RNF111: variants seen among roughly 807,000 people sequenced by gnomAD.
RNF111 encodes the protein E3 ubiquitin-protein ligase Arkadia.
RNF111 carries 17 observed loss-of-function variants against 95.1 expected under a neutral mutation model. The ratio of observed to expected loss-of-function variants is 0.18; its 90% CI spans 0.12 to 0.27. The LOEUF (loss-of-function observed/expected upper bound fraction) is 0.27. RNF111 is among the 10% of genes least tolerant of loss of function. The probability of loss-of-function intolerance (pLI) is 1.00; values close to 1 mark genes in which losing one functional copy is unlikely to be tolerated. For synonymous variants in RNF111, 440 were observed against 414.8 expected, an observed-to-expected ratio of 1.06 and a Z score of -0.74; for missense variants, 1,189 against 1,210.4, an observed-to-expected ratio of 0.98 and a Z score of 0.26.
intron 1 of RNF111, among the ~76,000 whole-genome samples, chr15:59,008,321 G>A (rs912980419): frequency 6.6e-6 from 1 of 151,862 alleles, no homozygotes; most frequent in African/African-American, 2.4e-5. Context: ...GAGCTCAAGC[G>A]ATCCTCCTGC....
intron 1 of RNF111, among the ~76,000 whole-genome samples, chr15:59,019,105 ATTT>A (rs35154303): frequency 4.1e-5 from 5 of 121,278 alleles, no homozygotes; most frequent in Admixed American, 8.1e-5. Flanking sequence ...GTATTTTTGT[ATTT>A]TTTTTTTTTT....
Position 59,031,376 on chromosome 15 carries a change from C to A in RNF111, c.554C>A (p.Pro185His), listed in dbSNP as rs2040897413. Reference sequence around the variant, plus strand: ...CATAGTGCACGGTCTCATAAGTGGCCTCGGACTGAGACAGAATCTGTATCG... The same window carrying A: ...CATAGTGCACGGTCTCATAAGTGGCATCGGACTGAGACAGAATCTGTATCG... The part of the protein sequence containing the change: ...RSHSARSHKW[P>H]RTETESVSGL... Residue 185 changes from proline to histidine, a missense_variant, in exon 2 of 14, where the codon CCT becomes CAT. Pro to His is a moderately conservative substitution (Grantham distance 77). Coordinates refer to ENST00000348370, the MANE Select transcript of RNF111 (RefSeq NM_017610.8). 1 of 1,614,112 alleles carries A rather than the reference C, an allele frequency of 6.2e-7. No homozygotes were observed.
At chr15:59,027,482 G>A (rs1273881935) in intron 1 of RNF111, among the ~76,000 whole-genome samples, 1 of 151,358 alleles carries the variant, frequency 6.6e-6, no homozygotes, top group African/African-American at 2.4e-5. Context: ...ACAATCAGTT[G>A]TAGAACATTT....
At chr15:59,071,990 A>G (rs1432161386) in intron 6 of RNF111, among the ~76,000 whole-genome samples, 1 of 152,242 alleles carries the variant, frequency 6.6e-6, no homozygotes, top group Non-Finnish European at 1.5e-5. Flanking sequence ...AAAAATGTAC[A>G]TGCTTCAATT....
chr15:59,007,145 C>G (rs1760237184), intron 1 of RNF111, among the ~76,000 whole-genome samples: 1 of 152,180 alleles, frequency 6.6e-6, no homozygotes, highest in Non-Finnish European at 1.5e-5. Context: ...TTGCCAAATG[C>G]ATCTATTTAT....
rs770094402 is a variant in RNF111, at chr15:59,081,264, G to A, written c.2277G>A (p.Arg759=). ...TGCAGAGGATGGAAGTTCAAAGGAG[G>A]AGGATGATGCAGCATCCAACGTATG... ...EVMQRMEVQR[R]RMMQHPTRAH... The change falls in exon 8 of 14, where the codon AGG becomes AGA. Residue 759 remains arginine, a synonymous_variant. Coordinates refer to ENST00000348370, the MANE Select transcript of RNF111 (RefSeq NM_017610.8). 1.2e-6 allele frequency: 2 copies of A among 1,613,954 alleles called. No individual in the cohort carries two copies. The highest frequency in any genetic ancestry group is 4.5e-5 in the East Asian group (2 of 44,880).
At chr15:59,024,803 T>G (rs1296257246) in intron 1 of RNF111, among the ~76,000 whole-genome samples, 3 of 152,198 alleles carry the variant, frequency 2.0e-5, no homozygotes, top group Admixed American at 6.5e-5. Context: ...CGACTGAAAC[T>G]CAGTAACTGT....
intron 6 of RNF111, among the ~76,000 whole-genome samples, chr15:59,071,188 C>T (rs1223880303): frequency 6.6e-6 from 1 of 151,076 alleles, no homozygotes; most frequent in Admixed American, 6.6e-5. Context: ...GTCCCAGCTA[C>T]TCGGGAGGCT....
chr15:59,042,166 C>T (rs1407594812), intron 2 of RNF111, among the ~76,000 whole-genome samples: 3 of 151,830 alleles, frequency 2.0e-5, no homozygotes, highest in Non-Finnish European at 2.9e-5. Context: ...ACTCTGTCAC[C>T]CAGGATGGAG....
chr15:59,064,535 C>CACAA (rs2042574688), intron 5 of RNF111, among the ~76,000 whole-genome samples: 1 of 76,740 alleles, frequency 1.3e-5, no homozygotes, highest in African/African-American at 4.4e-5. Flanking sequence ...GACTTTGTCG[C>CACAA]AAAAAAAAAA....
rs189785760 is a variant in RNF111, at chr15:59,031,082, A to G, written c.260A>G (p.Lys87Arg). The G allele has an allele frequency of 8.4e-5, 136 of 1,614,282 alleles. No homozygotes were observed. The East Asian group carries it at 2.9e-3, about 34-fold the overall frequency. ...AATGGTAACCAGCAAGAACAAGAAA[A>G]AAGTCTCGTTGTGAGGAAAAAACGC... ...EMNGNQQEQEKSLVVRKKRKS... is the reference protein window; with the variant it reads ...EMNGNQQEQERSLVVRKKRKS... Residue 87 changes from lysine (K) to arginine (R), a missense_variant, in exon 2 of 14, where the codon AAA becomes AGA. Lys to Arg is a conservative substitution (Grantham distance 26, BLOSUM62 2). This residue lies in a region of RNF111 where 1,024 missense variants were observed against 925.9 expected (regional missense o/e 1.11). Transcript: ENST00000348370.
intron 11 of RNF111, among the ~76,000 whole-genome samples, chr15:59,090,374 T>A (rs2079018229): frequency 6.6e-6 from 1 of 152,032 alleles, no homozygotes; most frequent in Non-Finnish European, 1.5e-5. Flanking sequence ...GGATTACAGG[T>A]GCCCGCCACC....
At chr15:58,993,964 G>A (rs2038931790) in intron 1 of RNF111, among the ~76,000 whole-genome samples, 2 of 150,338 alleles carry the variant, frequency 1.3e-5, no homozygotes, top group South Asian at 4.2e-4. Flanking sequence ...TTATTCATAT[G>A]TACTATAGGG....
chr15:59,030,001 A>G (rs370261363), intron 1 of RNF111, among the ~76,000 whole-genome samples: 6 of 152,194 alleles, frequency 3.9e-5, no homozygotes, highest in Non-Finnish European at 7.4e-5. Context: ...GATATTTACT[A>G]TTACATTATT....
At chr15:58,995,868 C>T (rs1033373267) in intron 1 of RNF111, among the ~76,000 whole-genome samples, 4 of 150,250 alleles carry the variant, frequency 2.7e-5, no homozygotes, top group South Asian at 2.1e-4. Flanking sequence ...TGGAATGAGC[C>T]GTTTTCCATG....
Position 59,080,944 on chromosome 15 carries a change from T to C in RNF111, c.1957T>C (p.Leu653=). 1 of 1,609,402 alleles carries C rather than the reference T, an allele frequency of 6.2e-7. No homozygotes were observed. Among genetic ancestry groups the C allele is most frequent in the Non-Finnish European group, 8.5e-7 (1 of 1,177,250 alleles). ...AAATATTTTTCTTGCAGATGCCTCT[T>C]TGACAAGGCCACTTCATCATCAAGC... ...RHYMPPPYAS[L]TRPLHHQASA... The change falls in exon 8 of 14, where the codon TTG becomes CTG. Residue 653 remains leucine (L), a synonymous_variant. Transcript: ENST00000348370.
chr15:59,004,103 T>G (rs1284577469), intron 1 of RNF111: 1 of 1,118,824 alleles, frequency 8.9e-7, no homozygotes, highest in Admixed American at 3.8e-5. Flanking sequence ...CTCTTGGATT[T>G]ATTTATTTTA....
At chr15:59,033,770 A>G (rs1466876711) in intron 2 of RNF111, among the ~76,000 whole-genome samples, 1 of 152,220 alleles carries the variant, frequency 6.6e-6, no homozygotes, top group African/African-American at 2.4e-5. Flanking sequence ...TACTTACTGT[A>G]GCGTGTGTGT....
chr15:59,078,293 G>A (rs533508504), intron 7 of RNF111, among the ~76,000 whole-genome samples: 1 of 152,204 alleles, frequency 6.6e-6, no homozygotes, highest in Admixed American at 6.5e-5. Context: ...GCTTTTGAAA[G>A]GTTTGTGGTC....
Sources: allele counts gnomAD v4.1 joint callset (sites outside exome capture counted in the v4.1 genomes callset), GRCh38; gene constraint gnomAD v4.1.1; regional missense constraint gnomAD v4.1.1; transcripts MANE v1.5; gene names NCBI Gene and HGNC (gene_info 2026-07-23, HGNC 2026-07-21).